Variants in PLAGL1 observed in about 807,000 individuals in gnomAD.
The protein encoded by PLAGL1 is zinc finger protein PLAGL1.
In PLAGL1, 1 loss-of-function variant was observed where a neutral mutation model predicts 4.6. The observed-to-expected ratio is 0.22, with a 90% CI of 0.08 to 1.03. The LOEUF is 1.03. PLAGL1 is among the 50% of genes least tolerant of loss of function. The pLI, the probability that PLAGL1 is intolerant of heterozygous loss-of-function variation, is 0.58. For missense variants in PLAGL1, 464 were observed against 570.4 expected, an observed-to-expected ratio of 0.81 and a Z score of 1.90; for synonymous variants, 240 against 237.8, an observed-to-expected ratio of 1.01 and a Z score of -0.08.
Position 144,056,483 on chromosome 6 carries a change from G to A in PLAGL1, c.-151+7985C>T, listed in dbSNP as rs774229227. ...TCTAAACAAAACTCCTCTGTGCTCC[G>A]TCTATTTAACCCTCTTTCACCCCTA... is the stretch of plus-strand genomic sequence containing the variant. On this transcript the variant is annotated intron_variant, in intron 1 of 3. Transcript: ENST00000437412. This position sits in a 1 kb window ranked among gnomAD's most constrained non-coding sequence, Gnocchi z 4.7. Among the ~76,000 whole-genome samples the A allele has an allele frequency of 5.9e-5, 9 of 152,138 alleles. No homozygotes were observed. Among genetic ancestry groups the A allele is most frequent in the Non-Finnish European group, 7.4e-5 (5 of 68,024 alleles).
chr6:144,046,921 G>A (rs1798197776), intron 1 of PLAGL1, among the ~76,000 whole-genome samples: 1 of 152,182 alleles, frequency 6.6e-6, no homozygotes, highest in Non-Finnish European at 1.5e-5. Context: ...CCCTCCCCCA[G>A]CCAGGCTGCC....
upstream of PLAGL1, among the ~76,000 whole-genome samples, chr6:144,012,211 T>C (rs1795236432): frequency 6.6e-6 from 1 of 152,042 alleles, no homozygotes; most frequent in Non-Finnish European, 1.5e-5. This position sits in a 1 kb window ranked among gnomAD's most constrained non-coding sequence, Gnocchi z 4.8. Flanking sequence ...CTTTGGGTGA[T>C]TTAGTGTTTT....
chr6:143,955,820 C>T lies in PLAGL1; in HGVS notation c.-325+4649G>A, dbSNP rs112775611. Among the ~76,000 whole-genome samples the T allele has an allele frequency of 1.7e-4, 26 of 152,148 alleles. 2 individuals are homozygous for T. The highest frequency in any genetic ancestry group is 5.1e-4 in the African/African-American group (21 of 41,496). On this transcript the variant is annotated intron_variant, in intron 6 of 7. Coordinates refer to ENST00000674357, the MANE Select transcript of PLAGL1 (RefSeq NM_001317162.2). The surrounding 1 kb of genome is among the most constrained non-coding windows in gnomAD (Gnocchi z 4.9). Reference sequence around the variant, plus strand: ...TTCTGCCAGATCTCAGAAGAGAGAACACAGGCCTGCACAAGGAGAGAGGGC... The same window carrying T: ...TTCTGCCAGATCTCAGAAGAGAGAATACAGGCCTGCACAAGGAGAGAGGGC...
chr6:143,988,942 A>T (rs1347593867), intron 1 of PLAGL1, among the ~76,000 whole-genome samples: 1 of 152,190 alleles, frequency 6.6e-6, no homozygotes, highest in Non-Finnish European at 1.5e-5. Flanking sequence ...GGACACACAC[A>T]TTCAGTTCAT....
intron 1 of PLAGL1, chr6:144,037,194 C>G (rs1797305665): frequency 6.5e-6 from 1 of 153,110 alleles, no homozygotes; most frequent in Admixed American, 6.6e-5. Flanking sequence ...CAGAAAGACA[C>G]CATGACAGAC....
At chr6:143,951,122 G>A (rs1257477768) in intron 6 of PLAGL1, among the ~76,000 whole-genome samples, 1 of 68,928 alleles carries the variant, frequency 1.5e-5, no homozygotes, top group African/African-American at 1.6e-4. Flanking sequence ...TGTTATCTGT[G>A]TCGAGTTTCA....
intron 1 of PLAGL1, among the ~76,000 whole-genome samples, chr6:144,045,000 CTTT>C (rs138373370): frequency 2.3e-4 from 11 of 47,320 alleles, no homozygotes; most frequent in South Asian, 1.0e-3. Flanking sequence ...GCAACCCCTG[CTTT>C]TTTTTTTTTT....
intron 1 of PLAGL1, among the ~76,000 whole-genome samples, chr6:144,045,390 A>G (rs1053523883): frequency 4.6e-5 from 7 of 152,110 alleles, no homozygotes; most frequent in Non-Finnish European, 7.4e-5. Context: ...TGGTGACAAA[A>G]ATCTCTCAGC....
chr6:144,002,033 A>C (rs1453499810), intron 1 of PLAGL1, among the ~76,000 whole-genome samples: 1 of 152,172 alleles, frequency 6.6e-6, no homozygotes, highest in Non-Finnish European at 1.5e-5. Context: ...TGGTAATCTG[A>C]ATAAAGTGTA....
At position 143,964,841 on chromosome 6, in the gene PLAGL1, A is replaced by G. The variant is rs565593382; in HGVS notation, c.-430-23T>C. 1 of 152,230 alleles carries G rather than the reference A, an allele frequency of 6.6e-6. No homozygotes were observed. The highest frequency in any genetic ancestry group is 2.4e-5 in the African/African-American group (1 of 41,442). 9.4% of individuals were successfully genotyped at this position (152,230 alleles called of 1,614,324 possible). A position where few individuals can be genotyped will look rare whatever the true frequency, so the allele number is the denominator to read the frequency against. ...TACCTAGAAAGGGAGAGACACACAA[A>G]GTTATCTTTAAGGTCTTTATCTTGA... On this transcript the variant is annotated intron_variant, in intron 4 of 7. Coordinates refer to ENST00000674357, the MANE Select transcript of PLAGL1 (RefSeq NM_001317162.2). The surrounding 1 kb of genome is among the most constrained non-coding windows in gnomAD (Gnocchi z 4.3).
At chr6:144,003,517 G>A (rs143929032) in intron 1 of PLAGL1, among the ~76,000 whole-genome samples, 11,389 of 151,742 alleles carry the variant, frequency 0.075, 442 homozygotes, top group Middle Eastern at 0.11. Context: ...CCAGCTACTC[G>A]GGAGGCTGAG....
chr6:143,992,086 T>C (rs539998722), intron 1 of PLAGL1, among the ~76,000 whole-genome samples: 1 of 152,196 alleles, frequency 6.6e-6, no homozygotes, highest in Non-Finnish European at 1.5e-5. Context: ...TTGAACTTAG[T>C]TGGTCTGCAT....
In PLAGL1 at chr6:143,985,495, T is replaced by C. The variant is rs1471988286; in HGVS notation, c.-583-321A>G. Among the ~76,000 whole-genome samples the C allele has an allele frequency of 1.3e-5, 2 of 152,178 alleles. No homozygotes were observed. Among genetic ancestry groups the C allele is most frequent in the African/African-American group, 4.8e-5 (2 of 41,436 alleles). The stretch of plus-strand genomic sequence containing the variant: ...CACAAGGATCCATCATGTTGCCCTT[T>C]TACAATCACACACCACCTCCTTTGC... On this transcript the variant is annotated intron_variant, in intron 1 of 7. Transcript: ENST00000674357. The surrounding 1 kb of genome is among the most constrained non-coding windows in gnomAD (Gnocchi z 4.4).
intron 1 of PLAGL1, among the ~76,000 whole-genome samples, chr6:144,043,894 G>A (rs1386377726): frequency 6.6e-6 from 1 of 152,114 alleles, no homozygotes; most frequent in East Asian, 1.9e-4. Context: ...CTTCTTCCTG[G>A]TTTAGCCTTG....
At chr6:143,976,285 C>CTTTTTTTTTTTTTTT in intron 2 of PLAGL1, among the ~76,000 whole-genome samples, 1 of 113,258 alleles carries the variant, frequency 8.8e-6, no homozygotes, top group Non-Finnish European at 1.8e-5. Context: ...GATTTCTTTT[C>CTTTTTTTTTTTTTTT]TTTTTTTTTT....
Position 144,002,076 on chromosome 6 carries a change from T to C in PLAGL1, c.-584+6014A>G, listed in dbSNP as rs920896073. Among the ~76,000 whole-genome samples, 3 of 152,308 alleles carry C rather than the reference T, an allele frequency of 2.0e-5. No individual in the cohort carries two copies. In the South Asian group the frequency reaches 6.2e-4, roughly 32 times the overall value. Reference sequence around the variant, plus strand: ...ATTAATACTATTGTGCCAATGTTAATTTCTTAACTTTGGTACTTTACAAGG... The same window carrying C: ...ATTAATACTATTGTGCCAATGTTAACTTCTTAACTTTGGTACTTTACAAGG... On this transcript the variant is annotated intron_variant, in intron 1 of 7. Transcript: ENST00000674357.
In PLAGL1 at chr6:143,942,088, G is replaced by T; in HGVS notation, c.728C>A (p.Pro243His). ...QLKAAALPPF[P>H]LGASAQNGLA... ...CCCGTTCTGGGCAGAAGCTCCTAAA[G>T]GGAAAGGAGGCAAGGCAGCAGCCTT... Residue 243 changes from proline (P) to histidine (H), a missense_variant, in exon 8 of 8, where the codon CCT becomes CAT. Transcript: ENST00000674357. This position sits in a 1 kb window ranked among gnomAD's most constrained non-coding sequence, Gnocchi z 7.6. 1.2e-6 allele frequency: 2 copies of T among 1,614,102 alleles called. No individual in the cohort carries two copies. Among genetic ancestry groups the T allele is most frequent in the Middle Eastern group, 1.6e-4 (1 of 6,062 alleles).
At chr6:143,976,647 T>C (rs555257764) in intron 2 of PLAGL1, among the ~76,000 whole-genome samples, 5 of 152,344 alleles carry the variant, frequency 3.3e-5, no homozygotes, top group South Asian at 2.1e-4. Flanking sequence ...AGAACTCTTA[T>C]GAATATCTAA....
chr6:143,970,820 A>G lies in PLAGL1; in HGVS notation c.-543-1842T>C, dbSNP rs1417703548. 6.6e-6 allele frequency among the ~76,000 whole-genome samples: 1 copy of G among 152,176 alleles called. No individual in the cohort carries two copies. Among genetic ancestry groups the G allele is most frequent in the Non-Finnish European group, 1.5e-5 (1 of 68,018 alleles). On this transcript the variant is annotated intron_variant, in intron 2 of 7. Transcript: ENST00000674357. The surrounding 1 kb of genome is among the most constrained non-coding windows in gnomAD (Gnocchi z 5.8). The stretch of plus-strand genomic sequence containing the variant: ...AAGGCTCTTTTCTGAAGAATCACAT[A>G]GTTGAAGTTATCTGATTCTATAAGC...
Sources: gnomAD v4.1 joint callset for allele counts (sites outside exome capture counted in the v4.1 genomes callset) on GRCh38, gnomAD v4.1.1 for gene constraint, Gnocchi (gnomAD v3.1) non-coding constraint, MANE v1.5 for transcripts, NCBI Gene and HGNC (gene_info 2026-07-23, HGNC 2026-07-21) for gene names.